MB21D2: variants seen among roughly 807,000 people sequenced by gnomAD.
MB21D2 encodes the protein Mab-21 domain containing 2.
MB21D2 carries 9 observed loss-of-function variants against 33.3 expected under a neutral mutation model. The ratio of observed to expected loss-of-function variants is 0.27; its 90% CI spans 0.16 to 0.47. MB21D2 has a LOEUF of 0.47. Ranked by LOEUF, MB21D2 falls within the 20% of genes least tolerant of loss-of-function variation. MB21D2 has a pLI of 0.99. For synonymous variants in MB21D2, 241 were observed against 236.3 expected, an observed-to-expected ratio of 1.02 and a Z score of -0.18; for missense variants, 540 against 624.6, an observed-to-expected ratio of 0.86 and a Z score of 1.44.
At chr3:192,844,932 T>C (rs1222990475) in intron 1 of MB21D2, among the ~76,000 whole-genome samples, 1 of 152,204 alleles carries the variant, frequency 6.6e-6, no homozygotes, top group African/African-American at 2.4e-5. Context: ...CCTCTTTCTC[T>C]TTTTTCCTCC....
intron 1 of MB21D2, among the ~76,000 whole-genome samples, chr3:192,863,401 C>T (rs769367514): frequency 3.9e-5 from 6 of 152,178 alleles, no homozygotes; most frequent in Non-Finnish European, 2.9e-5. Context: ...TCTATATCTA[C>T]GGGACTAACG....
At chr3:192,916,012 G>T (rs907684916) in intron 1 of MB21D2, among the ~76,000 whole-genome samples, 1 of 151,554 alleles carries the variant, frequency 6.6e-6, no homozygotes, top group Non-Finnish European at 1.5e-5. Context: ...TCTGTGTGTG[G>T]CCCCACCTTC....
intron 1 of MB21D2, among the ~76,000 whole-genome samples, chr3:192,898,025 A>G (rs968652950): frequency 1.3e-5 from 2 of 152,118 alleles, no homozygotes; most frequent in Non-Finnish European, 2.9e-5. Context: ...GAGAGACCAC[A>G]TGGGCATGGA....
intron 1 of MB21D2, among the ~76,000 whole-genome samples, chr3:192,809,914 GAACA>G (rs1240925212): frequency 2.6e-5 from 4 of 152,286 alleles, no homozygotes; most frequent in African/African-American, 9.6e-5. Context: ...CAGGCTCCCA[GAACA>G]AACTCTGAAA....
intron 1 of MB21D2, among the ~76,000 whole-genome samples, chr3:192,861,735 T>G (rs1246762269): frequency 6.6e-6 from 1 of 151,626 alleles, no homozygotes; most frequent in Non-Finnish European, 1.5e-5. Flanking sequence ...ACCCGGGAGG[T>G]GGAGGTTTGC....
intron 1 of MB21D2, among the ~76,000 whole-genome samples, chr3:192,857,484 C>T (rs1487637965): frequency 1.3e-5 from 2 of 152,166 alleles, no homozygotes; most frequent in Non-Finnish European, 2.9e-5. Context: ...CAGAAGGAGC[C>T]GAGCACAGCC....
At chr3:192,890,800 T>C (rs978703159) in intron 1 of MB21D2, among the ~76,000 whole-genome samples, 8 of 152,038 alleles carry the variant, frequency 5.3e-5, no homozygotes, top group Non-Finnish European at 1.2e-4. Flanking sequence ...ACATCCTCCA[T>C]GGCAGGCGGT....
At chr3:192,845,876 C>T (rs1432427871) in intron 1 of MB21D2, among the ~76,000 whole-genome samples, 3 of 151,988 alleles carry the variant, frequency 2.0e-5, no homozygotes, top group Non-Finnish European at 4.4e-5. Flanking sequence ...GCCAGGAGTT[C>T]GAGATCAGCC....
chr3:192,887,017 C>T (rs1235842774), intron 1 of MB21D2, among the ~76,000 whole-genome samples: 1 of 151,992 alleles, frequency 6.6e-6, no homozygotes, highest in Admixed American at 6.6e-5. Flanking sequence ...CCACTTTCGC[C>T]ACTGTCCCTA....
chr3:192,841,024 C>CTGCCAAAGGCAGACTG (rs1712559713), intron 1 of MB21D2, among the ~76,000 whole-genome samples: 1 of 152,232 alleles, frequency 6.6e-6, no homozygotes, highest in African/African-American at 2.4e-5. Context: ...TTCACATGTT[C>CTGCCAAAGGCAGACTG]TGTCACATAG....
intron 1 of MB21D2, among the ~76,000 whole-genome samples, chr3:192,801,304 AAC>A (rs1403240105): frequency 5.9e-5 from 9 of 152,204 alleles, no homozygotes; most frequent in Non-Finnish European, 1.3e-4. Context: ...TGATTTATTT[AAC>A]AGTGTTTCCC....
At chr3:192,887,715 A>T (rs1447263091) in intron 1 of MB21D2, among the ~76,000 whole-genome samples, 1 of 152,118 alleles carries the variant, frequency 6.6e-6, no homozygotes, top group Admixed American at 6.5e-5. Context: ...CCCTTTACTA[A>T]CAGGTTGCTT....
rs1290115427 is a variant in MB21D2 at position 192,891,663 on chromosome 3, C to T, written c.211+25967G>A. The stretch of plus-strand genomic sequence containing the variant: ...CCAATACATGTTAATGCTTTTATTA[C>T]TGTTATTAAGATAGCAAAACTTAAA... On this transcript the variant is annotated intron_variant, in intron 1 of 1. Coordinates refer to ENST00000392452, the MANE Select transcript of MB21D2 (RefSeq NM_178496.4). 2.0e-5 allele frequency among the ~76,000 whole-genome samples: 3 copies of T among 152,086 alleles called. No individual in the cohort carries two copies. In the East Asian group the frequency reaches 5.8e-4, roughly 29 times the overall value.
At chr3:192,854,067 C>G (rs558507218) in intron 1 of MB21D2, among the ~76,000 whole-genome samples, 1 of 152,282 alleles carries the variant, frequency 6.6e-6, no homozygotes, top group Non-Finnish European at 1.5e-5. Context: ...ACAGTGGCCT[C>G]TAAGTGTTCA....
intron 1 of MB21D2, among the ~76,000 whole-genome samples, chr3:192,808,774 T>C (rs952659960): frequency 5.9e-5 from 9 of 152,230 alleles, no homozygotes; most frequent in Non-Finnish European, 1.5e-5. Flanking sequence ...ATCTGAGCAT[T>C]ACGCCCAAAG....
At chr3:192,841,963 G>A (rs887458907) in intron 1 of MB21D2, among the ~76,000 whole-genome samples, 3 of 152,304 alleles carry the variant, frequency 2.0e-5, no homozygotes, top group Non-Finnish European at 2.9e-5. Flanking sequence ...GAAAAGCTCC[G>A]TGGGCAGTGG....
At chr3:192,806,231 T>A (rs1211813520) in intron 1 of MB21D2, among the ~76,000 whole-genome samples, 1 of 152,220 alleles carries the variant, frequency 6.6e-6, no homozygotes. Flanking sequence ...TTGTGGGCTG[T>A]GTTCATGGTG....
At chr3:192,901,139 C>T (rs533157640) in intron 1 of MB21D2, among the ~76,000 whole-genome samples, 2 of 152,200 alleles carry the variant, frequency 1.3e-5, no homozygotes, top group East Asian at 3.9e-4. Context: ...TTGGATGACA[C>T]AGAGACATTA....
At chr3:192,873,074 C>T (rs1217440426) in intron 1 of MB21D2, among the ~76,000 whole-genome samples, 2 of 152,102 alleles carry the variant, frequency 1.3e-5, no homozygotes, top group Non-Finnish European at 2.9e-5. Flanking sequence ...TTGTCCTCTA[C>T]ACCAATGGGC....
Sources: gnomAD v4.1 joint callset for allele counts (sites outside exome capture counted in the v4.1 genomes callset) on GRCh38, gnomAD v4.1.1 for gene constraint, MANE v1.5 for transcripts, NCBI Gene and HGNC (gene_info 2026-07-23, HGNC 2026-07-21) for gene names.